DRC4: variants seen among roughly 807,000 people sequenced by gnomAD.
DRC4 encodes dynein regulatory complex subunit 4.
At chr16:90,042,161 C>G in the DRC4 span, among the ~76,000 whole-genome samples, 1 of 152,196 alleles carries the variant, frequency 6.6e-6, no homozygotes, top group African/African-American at 2.4e-5. Flanking sequence ...GTCTCAAACT[C>G]CTGACCTCAA....
At chr16:90,030,909 C>T in the DRC4 span, among the ~76,000 whole-genome samples, 7 of 152,296 alleles carry the variant, frequency 4.6e-5, no homozygotes, top group South Asian at 2.1e-4. Flanking sequence ...AGAGCCACCG[C>T]GCCTCGCTTA....
chr16:90,024,004 G>A, the DRC4 span, among the ~76,000 whole-genome samples: 10 of 151,014 alleles, frequency 6.6e-5, no homozygotes, highest in African/African-American at 1.9e-4. Flanking sequence ...AAAAAGCAGG[G>A]TGTAGTGGCT....
the DRC4 span, among the ~76,000 whole-genome samples, chr16:90,039,532 C>G: frequency 6.6e-6 from 1 of 151,944 alleles, no homozygotes; most frequent in East Asian, 1.9e-4. Flanking sequence ...ATTACAGGCG[C>G]CTGCCACCAC....
chr16:90,043,253 C>G, the DRC4 span: 2 of 1,613,588 alleles, frequency 1.2e-6, no homozygotes, highest in Admixed American at 3.3e-5. Flanking sequence ...CGGGATCCCT[C>G]TGGACAACGT....
the DRC4 span, chr16:90,036,163 A>G: frequency 8.5e-6 from 5 of 588,994 alleles, no homozygotes; most frequent in Non-Finnish European, 1.5e-5. Flanking sequence ...AATGCCTGTC[A>G]CTGGCAAAGG....
At chr16:90,039,008 A>G in the DRC4 span, among the ~76,000 whole-genome samples, 1 of 152,224 alleles carries the variant, frequency 6.6e-6, no homozygotes, top group Non-Finnish European at 1.5e-5. Flanking sequence ...CTTCTCAGAA[A>G]TATCCCATCT....
At chr16:90,036,825 A>G in the DRC4 span, 25 of 651,142 alleles carry the variant, frequency 3.8e-5, no homozygotes, top group Middle Eastern at 2.9e-4. Flanking sequence ...AGGGGGAAGT[A>G]ATGAAGTGTG....
At chr16:90,030,614 C>G in the DRC4 span, among the ~76,000 whole-genome samples, 1 of 150,956 alleles carries the variant, frequency 6.6e-6, no homozygotes, top group African/African-American at 2.4e-5. Flanking sequence ...GCCACCATGC[C>G]TGGCTGTTTG....
chr16:90,034,629 A>G, the DRC4 span, among the ~76,000 whole-genome samples: 1 of 152,194 alleles, frequency 6.6e-6, no homozygotes, highest in Non-Finnish European at 1.5e-5. Flanking sequence ...CTCAAAAAAA[A>G]GAAAAATTAC....
chr16:90,022,625 T>C, the DRC4 span: 7 of 1,318,618 alleles, frequency 5.3e-6, no homozygotes, highest in Non-Finnish European at 7.0e-6. Context: ...TCTTGTGACT[T>C]ATCGCGGCAT....
At chr16:90,028,860 G>T in the DRC4 span, 3 of 1,002,106 alleles carry the variant, frequency 3.0e-6, no homozygotes, top group Non-Finnish European at 4.0e-6. Context: ...GAAGGAGACT[G>T]AAAGAGTCTC....
At chr16:90,039,362 T>C in the DRC4 span, among the ~76,000 whole-genome samples, 1 of 9,708 alleles carries the variant, frequency 1.0e-4, no homozygotes, top group Non-Finnish European at 2.0e-4. Context: ...AAGGCAGTTA[T>C]TTATTTATTT....
At chr16:90,031,866 C>T in the DRC4 span, among the ~76,000 whole-genome samples, 1 of 152,120 alleles carries the variant, frequency 6.6e-6, no homozygotes, top group Non-Finnish European at 1.5e-5. Flanking sequence ...GTGAGGCATG[C>T]AAGTGAGCAG....
the DRC4 span, chr16:90,020,211 T>A: frequency 2.1e-6 from 1 of 479,562 alleles, no homozygotes; most frequent in South Asian, 3.3e-5. Context: ...GAGCATTGAC[T>A]CATGCCTGTA....
At chr16:90,042,490 C>T in the DRC4 span, 4 of 1,613,922 alleles carry the variant, frequency 2.5e-6, no homozygotes, top group Middle Eastern at 1.6e-4. Flanking sequence ...AGTCGAAGAA[C>T]AGCACCATCA....
the DRC4 span, chr16:90,043,219 G>C: frequency 3.1e-6 from 5 of 1,613,216 alleles, no homozygotes; most frequent in Non-Finnish European, 4.2e-6. Flanking sequence ...TGCTGCGCAC[G>C]TATGAGGCAA....
chr16:90,037,219 C>A, the DRC4 span: 1 of 1,600,538 alleles, frequency 6.2e-7, no homozygotes, highest in Non-Finnish European at 8.5e-7. Flanking sequence ...CGGGCCTGTG[C>A]TTGTGCCTGC....
chr16:90,039,060 C>T, the DRC4 span, among the ~76,000 whole-genome samples: 1 of 152,242 alleles, frequency 6.6e-6, no homozygotes. Flanking sequence ...ACCTCAGGTC[C>T]TGCACGACGT....
the DRC4 span, among the ~76,000 whole-genome samples, chr16:90,023,102 G>A: frequency 6.6e-6 from 1 of 152,186 alleles, no homozygotes; most frequent in East Asian, 1.9e-4. Flanking sequence ...CAGCTCACGA[G>A]GCTTTGCAGA....
Sources: allele counts gnomAD v4.1 joint callset (sites outside exome capture counted in the v4.1 genomes callset), GRCh38; gene constraint gnomAD v4.1.1; transcripts MANE v1.5; gene names NCBI Gene and HGNC (gene_info 2026-07-23, HGNC 2026-07-21).